Variants in PLXDC2 observed in about 807,000 individuals in gnomAD.
PLXDC2 encodes plexin domain-containing protein 2.
A neutral mutation model predicts 68.9 loss-of-function variants in PLXDC2; 40 were observed. The observed-to-expected ratio is 0.58, with a 90% CI of 0.45 to 0.76. PLXDC2 has a LOEUF of 0.76. PLXDC2 is among the 30% of genes least tolerant of loss of function. The pLI, the probability that PLXDC2 is intolerant of heterozygous loss-of-function variation, is 0.00. For missense variants in PLXDC2, 644 were observed against 661.9 expected (o/e 0.97, Z 0.30); for synonymous variants, 243 against 234.2 (o/e 1.04, Z -0.34).
At chr10:20,069,789 C>T (rs1836285913) in intron 4 of PLXDC2, among the ~76,000 whole-genome samples, 1 of 152,170 alleles carries the variant, frequency 6.6e-6, no homozygotes, top group Non-Finnish European at 1.5e-5. Flanking sequence ...TATGACCACA[C>T]CACTGCACTA....
chr10:19,962,143 A>T lies in PLXDC2; in HGVS notation c.113-39632A>T, dbSNP rs371419689. On this transcript the variant is annotated intron_variant, in intron 1 of 13. Coordinates refer to ENST00000377252, the MANE Select transcript of PLXDC2 (RefSeq NM_032812.9). ...TTTAGGAAAAAGTCTTATATATGAGATACTTGTTTCAGGAAATAAAGGGAT... is the reference window on the plus strand; with the variant it reads ...TTTAGGAAAAAGTCTTATATATGAGTTACTTGTTTCAGGAAATAAAGGGAT... 4.6e-5 allele frequency among the ~76,000 whole-genome samples: 7 copies of T among 152,232 alleles called. No individual in the cohort carries two copies. The East Asian group carries it at 1.2e-3, about 25-fold the overall frequency.
chr10:20,279,158 AC>A (rs1836048264), intron 13 of PLXDC2, among the ~76,000 whole-genome samples: 1 of 152,226 alleles, frequency 6.6e-6, no homozygotes, highest in African/African-American at 2.4e-5. Context: ...GGTATGCTTA[AC>A]TAAATAAATA....
At chr10:19,869,842 C>T (rs1016279466) in intron 1 of PLXDC2, among the ~76,000 whole-genome samples, 6 of 151,802 alleles carry the variant, frequency 4.0e-5, no homozygotes, top group African/African-American at 1.2e-4. Context: ...GCTCGCCTTA[C>T]GTTATTGGTT....
At chr10:19,872,240 A>C (rs1837552396) in intron 1 of PLXDC2, among the ~76,000 whole-genome samples, 1 of 152,242 alleles carries the variant, frequency 6.6e-6, no homozygotes, top group African/African-American at 2.4e-5. Flanking sequence ...AAATTGTAGA[A>C]GACAGCCCAG....
At chr10:19,818,291 G>T (rs1037588585) in intron 1 of PLXDC2, among the ~76,000 whole-genome samples, 1 of 144,242 alleles carries the variant, frequency 6.9e-6, no homozygotes. Context: ...ATGATTGCCC[G>T]GAAAGTATGC....
intron 1 of PLXDC2, among the ~76,000 whole-genome samples, chr10:19,990,982 C>T (rs1156897493): frequency 6.6e-6 from 1 of 152,172 alleles, no homozygotes; most frequent in Admixed American, 6.5e-5. Flanking sequence ...CATGATGGCT[C>T]ATGCCTGTAA....
chr10:19,952,833 A>G (rs982042040), intron 1 of PLXDC2, among the ~76,000 whole-genome samples: 2 of 152,202 alleles, frequency 1.3e-5, no homozygotes, highest in African/African-American at 4.8e-5. Context: ...GCACATTTTA[A>G]ACAGGTTTAC....
chr10:20,206,573 A>G (rs1834995834), intron 9 of PLXDC2, among the ~76,000 whole-genome samples: 1 of 152,038 alleles, frequency 6.6e-6, no homozygotes, highest in Non-Finnish European at 1.5e-5. Context: ...GAGGGTATGA[A>G]TGGGTTGTAG....
intron 6 of PLXDC2, among the ~76,000 whole-genome samples, chr10:20,163,754 C>T (rs553849900): frequency 6.6e-5 from 10 of 152,142 alleles, no homozygotes; most frequent in African/African-American, 2.4e-4. Context: ...ATTTATAACT[C>T]TTATATCATT....
chr10:20,276,041 T>C (rs1261347227), intron 13 of PLXDC2, among the ~76,000 whole-genome samples: 2 of 152,164 alleles, frequency 1.3e-5, no homozygotes, highest in Admixed American at 1.3e-4. Context: ...AGTCCTACAC[T>C]GGGAAGTGAT....
chr10:20,116,099 T>C (rs1833617769), intron 4 of PLXDC2, among the ~76,000 whole-genome samples: 1 of 152,220 alleles, frequency 6.6e-6, no homozygotes, highest in African/African-American at 2.4e-5. Flanking sequence ...AGCTGCATGT[T>C]AGGAAACCAG....
chr10:19,884,721 A>G (rs1837809005), intron 1 of PLXDC2, among the ~76,000 whole-genome samples: 1 of 152,150 alleles, frequency 6.6e-6, no homozygotes, highest in African/African-American at 2.4e-5. Flanking sequence ...CATGGTGTAT[A>G]TGTGCCACAT....
At chr10:19,858,229 C>A (rs1016358961) in intron 1 of PLXDC2, among the ~76,000 whole-genome samples, 2 of 152,134 alleles carry the variant, frequency 1.3e-5, no homozygotes, top group Non-Finnish European at 2.9e-5. Flanking sequence ...CCAAATTACC[C>A]TCCTTCATCA....
At chr10:20,190,908 A>G (rs955491708) in intron 9 of PLXDC2, among the ~76,000 whole-genome samples, 1 of 151,938 alleles carries the variant, frequency 6.6e-6, no homozygotes, top group Non-Finnish European at 1.5e-5. Flanking sequence ...ACTATTTTAT[A>G]TTTCTTAATA....
chr10:20,128,500 T>C (rs12267031), intron 4 of PLXDC2, among the ~76,000 whole-genome samples: 1 of 152,218 alleles, frequency 6.6e-6, no homozygotes, highest in Non-Finnish European at 1.5e-5. Context: ...ATAGTTACTT[T>C]TTTTTGGTAA....
chr10:19,946,084 A>T lies in PLXDC2; in HGVS notation c.113-55691A>T, dbSNP rs138353802. On this transcript the variant is annotated intron_variant, in intron 1 of 13. Transcript: ENST00000377252. Reference sequence around the variant, plus strand: ...GCTTCCAATATTGAAATCACTGTTAACATCATTATGAATTGGTTGTGGCAT... The same window carrying T: ...GCTTCCAATATTGAAATCACTGTTATCATCATTATGAATTGGTTGTGGCAT... Among the ~76,000 whole-genome samples, 211 of 152,292 alleles carry T rather than the reference A, an allele frequency of 1.4e-3. 1 individual carries two copies. Among genetic ancestry groups the T allele is most frequent in the African/African-American group, 4.9e-3 (205 of 41,578 alleles).
rs534668546 is a variant in PLXDC2 at position 19,839,472 on chromosome 10, A to G, written c.112+22281A>G. ...CAGGGAAGCCAAAAGATTGGACACC[A>G]CTGAACTAGACTCAGCTCACAGGGG... On this transcript the variant is annotated intron_variant, in intron 1 of 13. Coordinates refer to ENST00000377252, the MANE Select transcript of PLXDC2 (RefSeq NM_032812.9). Among the ~76,000 whole-genome samples, 137 of 152,312 alleles carry G rather than the reference A, an allele frequency of 9.0e-4. 3 individuals carry two copies. Among genetic ancestry groups the G allele is most frequent in the Non-Finnish European group, 2.6e-4 (18 of 68,012 alleles).
At chr10:20,113,533 T>C (rs1833584537) in intron 4 of PLXDC2, among the ~76,000 whole-genome samples, 1 of 152,182 alleles carries the variant, frequency 6.6e-6, no homozygotes, top group Admixed American at 6.5e-5. Flanking sequence ...TTCCATGGGT[T>C]CCTGAGATAG....
intron 7 of PLXDC2, among the ~76,000 whole-genome samples, chr10:20,167,002 A>G (rs2358856): frequency 0.87 from 131,991 of 152,174 alleles, 57,609 homozygotes; most frequent in Non-Finnish European, 0.91. Context: ...CAAACGTAGA[A>G]TTCAGAGAAA....
Sources: allele counts gnomAD v4.1 joint callset (sites outside exome capture counted in the v4.1 genomes callset), GRCh38; gene constraint gnomAD v4.1.1; transcripts MANE v1.5; gene names NCBI Gene and HGNC (gene_info 2026-07-23, HGNC 2026-07-21).